USP14: variants seen among roughly 807,000 people sequenced by gnomAD.
USP14 encodes ubiquitin carboxyl-terminal hydrolase 14.
A neutral mutation model predicts 76.5 loss-of-function variants in USP14; 38 were observed. The observed-to-expected ratio is 0.50, with a 90% CI of 0.38 to 0.65. USP14 has a LOEUF of 0.65. Among genes scored for constraint, USP14 ranks in the 30% least tolerant of loss-of-function variants. The pLI, the probability that USP14 is intolerant of heterozygous loss-of-function variation, is 0.00. For missense variants in USP14, 467 were observed against 586.5 expected, an observed-to-expected ratio of 0.80 and a Z score of 2.10; for synonymous variants, 192 against 191.7, an observed-to-expected ratio of 1.00 and a Z score of -0.01.
chr18:188,877 C>T (rs1042369197), intron 5 of USP14, among the ~76,000 whole-genome samples: 1 of 152,110 alleles, frequency 6.6e-6, no homozygotes, highest in Non-Finnish European at 1.5e-5. Context: ...CGTGGTTTCA[C>T]CATGTTGGCC....
At chr18:197,308 A>G (rs1249059844) in intron 7 of USP14, among the ~76,000 whole-genome samples, 1 of 152,094 alleles carries the variant, frequency 6.6e-6, no homozygotes, top group Admixed American at 6.5e-5. Flanking sequence ...TCCCCTGATC[A>G]CTTACTGTTT....
intron 5 of USP14, among the ~76,000 whole-genome samples, chr18:183,312 G>T (rs910777651): frequency 4.6e-5 from 7 of 150,996 alleles, no homozygotes; most frequent in African/African-American, 1.5e-4. Context: ...TAGCTTTTAG[G>T]GTTTTCTCTT....
At chr18:209,468 A>T (rs1451289642) in intron 13 of USP14, among the ~76,000 whole-genome samples, 1 of 152,244 alleles carries the variant, frequency 6.6e-6, no homozygotes, top group East Asian at 1.9e-4. Context: ...AATTTAAATC[A>T]TACCTCTTTA....
intron 5 of USP14, among the ~76,000 whole-genome samples, chr18:181,740 CTTAATT>C (rs1159904086): frequency 6.6e-6 from 1 of 151,886 alleles, no homozygotes; most frequent in Non-Finnish European, 1.5e-5. Context: ...GTAGTTTAAT[CTTAATT>C]TTAATTTTTT....
intron 5 of USP14, among the ~76,000 whole-genome samples, chr18:191,124 A>G (rs1430444996): frequency 1.3e-5 from 2 of 152,174 alleles, no homozygotes; most frequent in Admixed American, 6.5e-5. Context: ...TGTCTGCTAT[A>G]TTAGTACTTA....
At chr18:166,922 A>G (rs1909288994) in intron 3 of USP14, 103 bp downstream of exon 3, 1 of 992,156 alleles carries the variant, frequency 1.0e-6, no homozygotes, top group South Asian at 1.7e-5. Context: ...CAGTTGTTCC[A>G]GCACTATCTG....
chr18:192,397 C>G (rs941409410), intron 5 of USP14, among the ~76,000 whole-genome samples: 5 of 151,974 alleles, frequency 3.3e-5, no homozygotes, highest in African/African-American at 7.3e-5. Context: ...AACCCTGTCT[C>G]TACTAGAAAT....
chr18:183,247 A>G (rs1019033428), intron 5 of USP14, among the ~76,000 whole-genome samples: 1 of 151,512 alleles, frequency 6.6e-6, no homozygotes, highest in Admixed American at 6.6e-5. Context: ...TTGTGTGTCC[A>G]TGCTTACTGA....
chr18:158,691 G>A lies in USP14; in HGVS notation c.-8G>A. ...CTCCTGCGCCGCCGCCTCCCGCCGC[G>A]CCCCGCCATGCCGCTCTACTCCGGT... On this transcript the variant is annotated 5_prime_UTR_variant, in exon 1 of 16. Transcript: ENST00000261601. 3.3e-6 allele frequency: 5 copies of A among 1,526,970 alleles called. No homozygotes were observed. Among genetic ancestry groups the A allele is most frequent in the Non-Finnish European group, 4.4e-6 (5 of 1,145,288 alleles). 94.6% of individuals were successfully genotyped at this position (1,526,970 alleles called of 1,614,324 possible). A position where few individuals can be genotyped will look rare whatever the true frequency, so the allele number is the denominator to read the frequency against.
chr18:168,783 A>G (rs1343028738), intron 3 of USP14, among the ~76,000 whole-genome samples: 2 of 151,614 alleles, frequency 1.3e-5, no homozygotes, highest in Non-Finnish European at 2.9e-5. Flanking sequence ...ATAGAAAGTG[A>G]TAAGAGTGGC....
intron 5 of USP14, among the ~76,000 whole-genome samples, chr18:188,507 C>G (rs2846610): frequency 8.2e-6 from 1 of 122,486 alleles, no homozygotes; most frequent in Non-Finnish European, 1.7e-5. Context: ...CTCCCTCTGG[C>G]TTTTTTTTTT....
At chr18:191,039 C>T (rs1221994726) in intron 5 of USP14, among the ~76,000 whole-genome samples, 1 of 151,806 alleles carries the variant, frequency 6.6e-6, no homozygotes, top group African/African-American at 2.4e-5. Context: ...TTCATGTTAC[C>T]CTATAACAAG....
intron 13 of USP14, 134 bp downstream of exon 13, chr18:204,826 C>A: frequency 2.6e-6 from 2 of 756,846 alleles, no homozygotes; most frequent in Non-Finnish European, 3.9e-6. Context: ...TTGGATCAAT[C>A]TGTATTACAA....
intron 5 of USP14, 106 bp downstream of exon 5, chr18:180,445 A>G: frequency 4.3e-6 from 3 of 697,062 alleles, no homozygotes; most frequent in Non-Finnish European, 4.8e-6. Flanking sequence ...TTAATTTATT[A>G]TACAATTCAG....
At chr18:197,505 T>C (rs1343377846) in intron 7 of USP14, 111 bp from the exon 8 acceptor site, 1 of 776,440 alleles carries the variant, frequency 1.3e-6, no homozygotes, top group South Asian at 1.9e-5. Context: ...TGGCTTAATA[T>C]TTTTAAAGAA....
In USP14 at chr18:178,980, A is replaced by C. The variant is rs1315776550; in HGVS notation, c.243A>C (p.Glu81Asp). 6.2e-7 allele frequency: 1 copy of C among 1,613,470 alleles called. No homozygotes were observed. The highest frequency in any genetic ancestry group is 1.1e-5 in the South Asian group (1 of 91,018). ...MMGSADALPE[E>D]PSAKTVFVED... ...GGTCAGCAGATGCTCTTCCAGAAGA[A>C]CCCTCAGCCAAAACTGTCTTCGTAG... Residue 81 changes from glutamate (E) to aspartate (D), a missense_variant, in exon 4 of 16, where the codon GAA (glutamate) becomes GAC (aspartate). Glu to Asp is a conservative substitution (Grantham distance 45). Coordinates refer to ENST00000261601, the MANE Select transcript of USP14 (RefSeq NM_005151.4).
At chr18:188,792 C>T (rs1325642131) in intron 5 of USP14, among the ~76,000 whole-genome samples, 1 of 151,980 alleles carries the variant, frequency 6.6e-6, no homozygotes, top group Non-Finnish European at 1.5e-5. Flanking sequence ...ATTCTCCTGC[C>T]TCAGCCTCCC....
chr18:178,004 GTGTTTGTTTGTT>G (rs202201124), intron 3 of USP14, among the ~76,000 whole-genome samples: 1 of 151,494 alleles, frequency 6.6e-6, no homozygotes, highest in East Asian at 1.9e-4. Context: ...AATTTTATTA[GTGTTTGTTTGTT>G]TGTTTGTTTG....
At chr18:181,045 G>A (rs1204952957) in intron 5 of USP14, among the ~76,000 whole-genome samples, 1 of 150,776 alleles carries the variant, frequency 6.6e-6, no homozygotes, top group Non-Finnish European at 1.5e-5. Flanking sequence ...AGTATTTCAT[G>A]GTTCATTCAT....
Sources: gnomAD v4.1 joint callset for allele counts (sites outside exome capture counted in the v4.1 genomes callset) on GRCh38, gnomAD v4.1.1 for gene constraint, MANE v1.5 for transcripts, NCBI Gene and HGNC (gene_info 2026-07-23, HGNC 2026-07-21) for gene names.